Variants in INKA2 observed in about 807,000 individuals in gnomAD.
INKA2 encodes the protein inka box actin regulator 2, also known as PAK4-inhibitor INKA2.
INKA2 carries 3 observed loss-of-function variants against 9.8 expected under a neutral mutation model. That is an observed-to-expected ratio of 0.31 (90% CI 0.14 to 0.79). The LOEUF (loss-of-function observed/expected upper bound fraction) is 0.79, where lower values mean the gene tolerates loss of function less well. Ranked by LOEUF, INKA2 falls within the 30% of genes least tolerant of loss-of-function variation. The pLI is 0.62. For missense variants in INKA2, 392 were observed against 384.4 expected, an observed-to-expected ratio of 1.02 and a Z score of -0.17; for synonymous variants, 147 against 143.3, an observed-to-expected ratio of 1.03 and a Z score of -0.18.
intron 1 of INKA2, among the ~76,000 whole-genome samples, chr1:111,748,674 A>T (rs1178270696): frequency 2.0e-5 from 3 of 151,796 alleles, no homozygotes; most frequent in African/African-American, 7.3e-5. Flanking sequence ...CCTCCCCCTG[A>T]CCTGATGCGA....
intron 1 of INKA2, chr1:111,755,530 G>T: frequency 1.4e-6 from 1 of 710,840 alleles, no homozygotes; most frequent in Non-Finnish European, 2.3e-6. Flanking sequence ...AACGGAAAAC[G>T]GAAGCACGAG....
At position 111,745,265 on chromosome 1, in the gene INKA2, T is replaced by TTTTATATA. The variant is rs1553232613; in HGVS notation, n.124+10435_124+10436insTATATAAA. ...ACACACACACACACACACAGAGATATTATATATATATATATATATATATAT... is the reference window on the plus strand; with the variant it reads ...ACACACACACACACACACAGAGATATTTTATATATATATATATATATATATATATATAT... On this transcript the variant is annotated intron_variant and non_coding_transcript_variant, in intron 1 of 1. Transcript: ENST00000444059. 1.2e-3 allele frequency: 52 copies of TTTTATATA among 45,094 alleles called. 2 individuals carry two copies. Among genetic ancestry groups the TTTTATATA allele is most frequent in the African/African-American group, 3.6e-3 (42 of 11,734 alleles). The allele number at this position is 45,094 out of a possible 1,614,324, so 2.8% of individuals were successfully genotyped here.
intron 1 of INKA2, among the ~76,000 whole-genome samples, chr1:111,748,037 G>A (rs1406861812): frequency 6.6e-6 from 1 of 152,228 alleles, no homozygotes; most frequent in Non-Finnish European, 1.5e-5. Context: ...ATTAGGTAGA[G>A]TAGAAATGAC....
chr1:111,728,038 TACACACACACACAC>T (rs60867844), intron 1 of INKA2, among the ~76,000 whole-genome samples: 2 of 109,434 alleles, frequency 1.8e-5, no homozygotes, highest in Non-Finnish European at 4.1e-5. Flanking sequence ...CCCCACCCCA[TACACACACACACAC>T]ACACACACAC....
rs562140489 is a variant in INKA2, at chr1:111,727,267, C to G, written c.595G>C (p.Glu199Gln). The G allele has an allele frequency of 5.5e-5, 89 of 1,614,094 alleles. No individual in the cohort carries two copies. The highest frequency in any genetic ancestry group is 7.5e-5 in the Non-Finnish European group (88 of 1,180,042). ...EPKGEKGQPQ[E>Q]LGRRFALTAN... is the part of the protein sequence containing the mutation. The stretch of plus-strand genomic sequence containing the variant: ...GTCAGGGCGAACCTGCGGCCCAGCT[C>G]CTGGGGCTGGCCTTTCTCTCCTTTG... The change falls in exon 2 of 2, where the codon GAG (glutamate) becomes CAG (glutamine). Residue 199 changes from glutamate to glutamine, a missense_variant. Glu to Gln is a conservative substitution (Grantham distance 29). Transcript: ENST00000357260.
At chr1:111,738,183 G>A (rs994830044) in intron 1 of INKA2, among the ~76,000 whole-genome samples, 3 of 152,228 alleles carry the variant, frequency 2.0e-5, no homozygotes, top group African/African-American at 7.2e-5. Flanking sequence ...CGAGGGCAAA[G>A]ACACAACAGA....
chr1:111,726,509 G>T lies in INKA2; in HGVS notation c.*459C>A, dbSNP rs1662773558. ...TGCCAAAGAAGCTGACAGAAGGTTG[G>T]GAGAGCCATAGACAGGTCTTTATTT... is the stretch of plus-strand genomic sequence containing the variant. On this transcript the variant is annotated 3_prime_UTR_variant, in exon 2 of 2. Transcript: ENST00000357260. 1 of 190,580 alleles carries T rather than the reference G, an allele frequency of 5.2e-6. No homozygotes were observed. The highest frequency in any genetic ancestry group is 1.1e-5 in the Non-Finnish European group (1 of 93,656). 11.8% of individuals were successfully genotyped at this position (190,580 alleles called of 1,614,324 possible).
At chr1:111,738,842 C>T (rs1200113496) in intron 1 of INKA2, among the ~76,000 whole-genome samples, 1 of 152,090 alleles carries the variant, frequency 6.6e-6, no homozygotes, top group Admixed American at 6.5e-5. Flanking sequence ...CTTTCCGCGT[C>T]GGCGGCGCGG....
At chr1:111,754,296 C>T (rs1289634504) in intron 1 of INKA2, 3 of 152,164 alleles carry the variant, frequency 2.0e-5, no homozygotes, top group African/African-American at 4.8e-5. Flanking sequence ...TTCCTTCAAA[C>T]GGATAGTTGA....
At chr1:111,747,640 A>G (rs1393352976) in intron 1 of INKA2, 1 of 152,226 alleles carries the variant, frequency 6.6e-6, no homozygotes, top group Non-Finnish European at 1.5e-5. Flanking sequence ...ACCCAACAGT[A>G]TCTCAGCTGT....
chr1:111,739,621 C>A (rs1437213981), upstream of INKA2, among the ~76,000 whole-genome samples: 1 of 152,208 alleles, frequency 6.6e-6, no homozygotes, highest in Non-Finnish European at 1.5e-5. Flanking sequence ...CGGAGGGCAT[C>A]GTGACTCCAG....
chr1:111,755,649 G>A, intron 1 of INKA2: 2 of 1,608,488 alleles, frequency 1.2e-6, no homozygotes, highest in African/African-American at 1.3e-5. Flanking sequence ...GCGGGGCGGT[G>A]CCCCCACCGC....
intron 1 of INKA2, among the ~76,000 whole-genome samples, chr1:111,752,288 A>G (rs1663428259): frequency 6.6e-6 from 1 of 152,212 alleles, no homozygotes; most frequent in Admixed American, 6.5e-5. Flanking sequence ...CTTACTTTCA[A>G]TCAAACCTAA....
At position 111,725,729 on chromosome 1, in the gene INKA2, GT is replaced by G. The variant is rs10610613; in HGVS notation, c.*1238del. The G allele has an allele frequency of 2.3e-5, 4 of 175,340 alleles. No individual in the cohort carries two copies. Among genetic ancestry groups the G allele is most frequent in the Middle Eastern group, 2.1e-3 (1 of 472 alleles). The allele number at this position is 175,340 out of a possible 1,614,324, so 10.9% of individuals were successfully genotyped here. A position where few individuals can be genotyped will look rare whatever the true frequency, so the allele number is the denominator to read the frequency against. ...TGTGGGGTATGGGGCCCTACGAACT[GT>G]TTTTTTTTATTTTTTTTGAGACAGG... On this transcript the variant is annotated 3_prime_UTR_variant, in exon 2 of 2. Coordinates refer to ENST00000357260, the MANE Select transcript of INKA2 (RefSeq NM_019099.5).
At chr1:111,755,678 G>T in intron 1 of INKA2, 1 of 1,613,326 alleles carries the variant, frequency 6.2e-7, no homozygotes, top group South Asian at 1.1e-5. Context: ...GGCGCCCTCT[G>T]CAGGCCACAG....
chr1:111,739,454 A>G, upstream of INKA2: 23 of 1,423,762 alleles, frequency 1.6e-5, no homozygotes, highest in Non-Finnish European at 2.1e-5. Flanking sequence ...AAAGTGGGAC[A>G]GCCAATGAGA....
chr1:111,741,602 C>G (rs560790547), upstream of INKA2, among the ~76,000 whole-genome samples: 3 of 152,354 alleles, frequency 2.0e-5, no homozygotes, highest in East Asian at 5.8e-4. Flanking sequence ...GGACAAACAC[C>G]ACAAAAGGGT....
At chr1:111,735,243 C>T (rs549534555) in intron 1 of INKA2, among the ~76,000 whole-genome samples, 1 of 152,226 alleles carries the variant, frequency 6.6e-6, no homozygotes, top group African/African-American at 2.4e-5. Context: ...CCAGTAAATG[C>T]CCTAAACACA....
intron 1 of INKA2, among the ~76,000 whole-genome samples, chr1:111,751,607 T>C (rs894007256): frequency 5.9e-5 from 9 of 152,226 alleles, no homozygotes; most frequent in African/African-American, 1.4e-4. Context: ...GCATCTGACA[T>C]GTAGAAGGCT....
Sources: allele counts gnomAD v4.1 joint callset (sites outside exome capture counted in the v4.1 genomes callset), GRCh38; gene constraint gnomAD v4.1.1; transcripts MANE v1.5; gene names NCBI Gene and HGNC (gene_info 2026-07-23, HGNC 2026-07-21).